Variants in LAMA1 observed in about 807,000 individuals in gnomAD.
LAMA1 encodes laminin subunit alpha 1.
Under a neutral mutation model 348.7 loss-of-function variants are expected in LAMA1, and 219 were observed. That is an observed-to-expected ratio of 0.63 (90% CI 0.56 to 0.70). The LOEUF (loss-of-function observed/expected upper bound fraction) is 0.70, where lower values mean the gene tolerates loss of function less well. Ranked by LOEUF, LAMA1 falls within the 30% of genes least tolerant of loss-of-function variation. The pLI is 0.00. For missense variants in LAMA1, 3,744 were observed against 3,888.0 expected (o/e 0.96, Z 0.99); for synonymous variants, 1,487 against 1,491.0 (o/e 1.00, Z 0.06).
At chr18:7,014,641 A>AT (rs1295584755) in intron 22 of LAMA1, among the ~76,000 whole-genome samples, 3 of 151,500 alleles carry the variant, frequency 2.0e-5, no homozygotes, top group African/African-American at 7.3e-5. Flanking sequence ...TCCTGTCTCA[A>AT]TTAAAAAAAA....
At chr18:7,117,527 A>C in intron 1 of LAMA1, 133 bp downstream of exon 1, 1 of 871,998 alleles carries the variant, frequency 1.1e-6, no homozygotes, top group African/African-American at 1.7e-5. Context: ...CACGTGGCCG[A>C]GACACCCACT....
At chr18:7,022,513 A>G (rs1400821378) in intron 19 of LAMA1, among the ~76,000 whole-genome samples, 1 of 152,184 alleles carries the variant, frequency 6.6e-6, no homozygotes, top group African/African-American at 2.4e-5. Flanking sequence ...GTACCATAGT[A>G]TGACTGGCGT....
chr18:7,026,032 C>T lies in LAMA1; in HGVS notation c.2349G>A (p.Gly783=). The change falls in exon 17 of 63, where the codon GGG becomes GGA. Residue 783 remains glycine (G), a synonymous_variant. Coordinates refer to ENST00000389658, the MANE Select transcript of LAMA1 (RefSeq NM_005559.4). ...CGCAGGGCTGGCAGTCCCCAGGTGT[C>T]CCTCGGGAAGGCTCCCCGTAGAAGC... ...LPGFYGEPSR[G]TPGDCQPCAC... is the part of the protein sequence containing the mutation. The T allele has an allele frequency of 1.9e-6, 3 of 1,609,850 alleles. No homozygotes were observed. The highest frequency in any genetic ancestry group is 2.5e-6 in the Non-Finnish European group (3 of 1,177,964).
chr18:7,058,005 A>G (rs563529420), intron 3 of LAMA1, among the ~76,000 whole-genome samples: 7 of 150,970 alleles, frequency 4.6e-5, no homozygotes, highest in African/African-American at 1.5e-4. Context: ...GGTTTCACCA[A>G]CTTGGCTAGG....
chr18:7,110,823 A>G (rs574224595), intron 1 of LAMA1, among the ~76,000 whole-genome samples: 272 of 152,274 alleles, frequency 1.8e-3, no homozygotes, highest in African/African-American at 6.0e-3. Flanking sequence ...TCCATGTCAA[A>G]GGAAAAAACA....
At chr18:6,987,833 G>C (rs773284357) in intron 36 of LAMA1, among the ~76,000 whole-genome samples, 3 of 152,118 alleles carry the variant, frequency 2.0e-5, no homozygotes, top group Non-Finnish European at 2.9e-5. Context: ...GTTGCATTAT[G>C]AGCAGGCAAC....
At chr18:7,059,290 G>C (rs532248409) in intron 3 of LAMA1, among the ~76,000 whole-genome samples, 1 of 152,250 alleles carries the variant, frequency 6.6e-6, no homozygotes, top group South Asian at 2.1e-4. Context: ...TGGATTTAAG[G>C]TTGGCTGAAC....
chr18:7,093,712 T>G (rs1313964208), intron 1 of LAMA1, among the ~76,000 whole-genome samples: 1 of 151,910 alleles, frequency 6.6e-6, no homozygotes, highest in African/African-American at 2.4e-5. Context: ...TTCACACATT[T>G]GATAACTAAG....
intron 48 of LAMA1, among the ~76,000 whole-genome samples, chr18:6,968,903 C>A (rs1568011663): frequency 6.6e-6 from 1 of 152,122 alleles, no homozygotes; most frequent in Non-Finnish European, 1.5e-5. Flanking sequence ...GCAAATTATA[C>A]ACAAACAGAA....
At chr18:6,956,296 C>A in intron 56 of LAMA1, 1 of 400,452 alleles carries the variant, frequency 2.5e-6, no homozygotes, top group Non-Finnish European at 4.8e-6. Context: ...AATATGTGCA[C>A]AATGGCTTTA....
chr18:7,108,689 A>AAC (rs1199374687), intron 1 of LAMA1, among the ~76,000 whole-genome samples: 2 of 148,610 alleles, frequency 1.3e-5, no homozygotes, highest in Non-Finnish European at 3.0e-5. Context: ...TTTAAAGAAA[A>AAC]ACACTGGGAG....
At chr18:7,015,648 T>C in intron 22 of LAMA1, 74 bp downstream of exon 22, 4 of 1,543,710 alleles carry the variant, frequency 2.6e-6, no homozygotes, top group Non-Finnish European at 3.6e-6. Context: ...AGAAAATATA[T>C]AGAAGAACAG....
intron 4 of LAMA1, 59 bp downstream of exon 4, chr18:7,050,635 C>T (rs994148353): frequency 7.4e-6 from 12 of 1,611,396 alleles, no homozygotes; most frequent in Non-Finnish European, 9.3e-6. Flanking sequence ...AATTTTGAGT[C>T]TGAGACAGGG....
intron 3 of LAMA1, among the ~76,000 whole-genome samples, chr18:7,061,573 C>G (rs556386532): frequency 6.6e-6 from 1 of 152,312 alleles, no homozygotes; most frequent in Non-Finnish European, 1.5e-5. Context: ...ACCATCTAAG[C>G]CTTTGAAATC....
In LAMA1 at chr18:7,095,339, G is replaced by A. The variant is rs148984708; in HGVS notation, c.62-14882C>T. Among the ~76,000 whole-genome samples the A allele has an allele frequency of 5.5e-3, 836 of 152,180 alleles. 4 individuals are homozygous for A. The highest frequency in any genetic ancestry group is 8.8e-3 in the Non-Finnish European group (600 of 67,986). ...TTACTCTCTTAAATCACATTTATGC[G>A]AGCCTTGTTTAATGTATTTTCTTTT... is the stretch of plus-strand genomic sequence containing the variant. On this transcript the variant is annotated intron_variant, in intron 1 of 62. Coordinates refer to ENST00000389658, the MANE Select transcript of LAMA1 (RefSeq NM_005559.4).
intron 8 of LAMA1, chr18:7,043,023 G>C: frequency 1.7e-6 from 1 of 597,064 alleles, no homozygotes; most frequent in Non-Finnish European, 2.9e-6. Context: ...CTGAATTCAA[G>C]ATAAATAACA....
In LAMA1 at chr18:7,034,612, G is replaced by A. The variant is rs777039082; in HGVS notation, c.1918C>T (p.Leu640Phe). Residue 640 changes from leucine to phenylalanine, a missense_variant, in exon 14 of 63, where the codon CTT becomes TTT. Physicochemically the swap from Leu to Phe is conservative, Grantham distance 22. Coordinates refer to ENST00000389658, the MANE Select transcript of LAMA1 (RefSeq NM_005559.4). ...AAATCTTGGAAGTTTTCAGGCACAA[G>A]TCTAACCACGTTTAGGTACTCTTCA... The part of the protein sequence containing the change: ...PYEEYLNVVR[L>F]VPENFQDFHS... 5 of 1,614,094 alleles carry A rather than the reference G, an allele frequency of 3.1e-6. No individual in the cohort carries two copies. The African/African-American group carries it at 6.7e-5, about 22-fold the overall frequency.
chr18:6,986,289 A>G lies in LAMA1; in HGVS notation c.5227T>C (p.Leu1743=). 6.2e-7 allele frequency: 1 copy of G among 1,614,148 alleles called. No homozygotes were observed. Among genetic ancestry groups the G allele is most frequent in the Non-Finnish European group, 8.5e-7 (1 of 1,180,024 alleles). The change falls in exon 37 of 63, where the codon TTG becomes CTG. Residue 1743 remains leucine, a synonymous_variant. Coordinates refer to ENST00000389658, the MANE Select transcript of LAMA1 (RefSeq NM_005559.4). ...CTTGCTGCTTCTTTCAATACCTCCA[A>G]TTCTTCCAGCGGCTTCTGGTAATTT... ...QENYQKPLEE[L]EVLKEAASHV... is the part of the protein sequence containing the mutation.
chr18:7,022,804 G>A (rs910600740), intron 19 of LAMA1, among the ~76,000 whole-genome samples: 4 of 152,078 alleles, frequency 2.6e-5, no homozygotes, highest in Non-Finnish European at 4.4e-5. Flanking sequence ...CATCTGCCTC[G>A]TGCAGCCTCT....
Sources: gnomAD v4.1 joint callset for allele counts (sites outside exome capture counted in the v4.1 genomes callset) on GRCh38, gnomAD v4.1.1 for gene constraint, MANE v1.5 for transcripts, NCBI Gene and HGNC (gene_info 2026-07-23, HGNC 2026-07-21) for gene names.